The following SYN3 variants were observed in gnomAD, a reference collection of about 807,000 sequenced individuals.
SYN3 encodes the protein synapsin-3.
In SYN3, 35 loss-of-function variants were observed where a neutral mutation model predicts 65.8. The ratio of observed to expected loss-of-function variants is 0.53; its 90% CI spans 0.41 to 0.70. The LOEUF (loss-of-function observed/expected upper bound fraction) is 0.70, where lower values mean the gene tolerates loss of function less well. Ranked by LOEUF, SYN3 falls within the 30% of genes least tolerant of loss-of-function variation. SYN3 has a pLI of 0.00. For synonymous variants in SYN3, 270 were observed against 292.9 expected, an observed-to-expected ratio of 0.92 and a Z score of 0.80; for missense variants, 680 against 749.0, an observed-to-expected ratio of 0.91 and a Z score of 1.08.
chr22:32,654,724 T>C lies in SYN3; in HGVS notation c.712-57988A>G, dbSNP rs140760091. On this transcript the variant is annotated intron_variant, in intron 6 of 13. Coordinates refer to ENST00000358763, the MANE Select transcript of SYN3 (RefSeq NM_003490.4). ...GAATGTAATGTCTGATGATCTGTCA[T>C]TGTCTCCCATGCATGCTTCCCAGCA... 5.7e-3 allele frequency among the ~76,000 whole-genome samples: 865 copies of C among 152,360 alleles called. 9 individuals carry two copies. Among genetic ancestry groups the C allele is most frequent in the African/African-American group, 0.02 (827 of 41,586 alleles).
chr22:32,645,627 G>A (rs2059972919), intron 6 of SYN3, among the ~76,000 whole-genome samples: 1 of 152,192 alleles, frequency 6.6e-6, no homozygotes, highest in Non-Finnish European at 1.5e-5. Context: ...CACCTGGTAT[G>A]TCCTTTCTCT....
At chr22:32,846,575 A>T (rs1015160957) in intron 6 of SYN3, among the ~76,000 whole-genome samples, 2 of 152,214 alleles carry the variant, frequency 1.3e-5, no homozygotes, top group Non-Finnish European at 2.9e-5. Flanking sequence ...TTGTTTCATC[A>T]TTCCCATCTT....
At chr22:32,810,892 G>A (rs930926120) in intron 6 of SYN3, among the ~76,000 whole-genome samples, 1 of 152,102 alleles carries the variant, frequency 6.6e-6, no homozygotes, top group Non-Finnish European at 1.5e-5. Flanking sequence ...CTGCCTTTTC[G>A]ATTTGGAAAC....
chr22:32,671,792 CACACAGGTACACACACACGCTGTG>C (rs2060374134), intron 6 of SYN3, among the ~76,000 whole-genome samples: 1 of 151,282 alleles, frequency 6.6e-6, no homozygotes, highest in Non-Finnish European at 1.5e-5. Flanking sequence ...CACATGCTCT[CACACAGGTACACACACACGCTGTG>C]ACACAGGTGC....
At chr22:32,522,279 C>A (rs1346290580) in intron 12 of SYN3, among the ~76,000 whole-genome samples, 1 of 152,074 alleles carries the variant, frequency 6.6e-6, no homozygotes, top group Non-Finnish European at 1.5e-5. Flanking sequence ...TCTTTAATTA[C>A]CTTAATTGGT....
chr22:32,861,755 G>C (rs578055165), intron 6 of SYN3: 1 of 152,632 alleles, frequency 6.6e-6, no homozygotes, highest in South Asian at 2.1e-4. Flanking sequence ...GCGGTTTTGA[G>C]CTTTCTATAA....
chr22:32,985,497 C>A (rs2052498964), intron 2 of SYN3, among the ~76,000 whole-genome samples: 2 of 152,156 alleles, frequency 1.3e-5, no homozygotes, highest in Admixed American at 1.3e-4. Context: ...TCCTATTTGA[C>A]CCTCATGCCA....
chr22:33,006,501 AGAG>A lies in SYN3; in HGVS notation c.159_161del (p.Ser54del), dbSNP rs771131509. 4 of 1,614,200 alleles carry A rather than the reference AGAG, an allele frequency of 2.5e-6. No individual in the cohort carries two copies. The highest frequency in any genetic ancestry group is 2.7e-5 in the African/African-American group (2 of 75,062). On this transcript the variant is annotated inframe_deletion, in exon 2 of 14. Transcript: ENST00000358763. ...GGGAGCTAAAAAGGCTGGATCCTGG[AGAG>A]GAGAAGGAGGCAGCCAGGGGCTGGG...
In SYN3 at chr22:32,510,076, G is replaced by A. The variant is rs1222340703; in HGVS notation, c.*3616C>T. On this transcript the variant is annotated 3_prime_UTR_variant, in exon 14 of 14. Coordinates refer to ENST00000358763, the MANE Select transcript of SYN3 (RefSeq NM_003490.4). The stretch of plus-strand genomic sequence containing the variant: ...TCTGAGGCCAAAGGACAGAATATAG[G>A]AATATGGGAGAATTTAGGCCATGTG... Among the ~76,000 whole-genome samples, 1 of 152,178 alleles carries A rather than the reference G, an allele frequency of 6.6e-6. No homozygotes were observed. The highest frequency in any genetic ancestry group is 1.5e-5 in the Non-Finnish European group (1 of 68,044).
chr22:32,773,433 A>G (rs998204619), intron 6 of SYN3, among the ~76,000 whole-genome samples: 2 of 144,876 alleles, frequency 1.4e-5, no homozygotes, highest in African/African-American at 5.3e-5. Flanking sequence ...AAAAAAAAAA[A>G]AGAACGCAAC....
intron 6 of SYN3, among the ~76,000 whole-genome samples, chr22:32,606,220 G>A (rs933178415): frequency 4.6e-5 from 7 of 152,182 alleles, no homozygotes; most frequent in Non-Finnish European, 8.8e-5. Context: ...GAAGGGAAGG[G>A]GAAGGAAGCC....
intron 6 of SYN3, among the ~76,000 whole-genome samples, chr22:32,680,101 G>T (rs983702278): frequency 6.6e-6 from 1 of 151,804 alleles, no homozygotes; most frequent in East Asian, 1.9e-4. Flanking sequence ...TTCTGTAATC[G>T]AATGAATAAA....
intron 1 of SYN3, among the ~76,000 whole-genome samples, chr22:33,039,597 T>C (rs1251207175): frequency 6.6e-6 from 1 of 152,170 alleles, no homozygotes; most frequent in Non-Finnish European, 1.5e-5. Flanking sequence ...AGTTTCATCA[T>C]GTTGGCCAGG....
chr22:33,020,941 C>T (rs2053550022), intron 1 of SYN3, among the ~76,000 whole-genome samples: 1 of 152,288 alleles, frequency 6.6e-6, no homozygotes, highest in Non-Finnish European at 1.5e-5. Flanking sequence ...ATAGTACCTA[C>T]CTCATAGAGT....
At chr22:32,835,147 T>C (rs1185129821) in intron 6 of SYN3, among the ~76,000 whole-genome samples, 2 of 152,228 alleles carry the variant, frequency 1.3e-5, no homozygotes, top group African/African-American at 4.8e-5. Context: ...TTGCAGCTAA[T>C]TGCACATACT....
intron 6 of SYN3, among the ~76,000 whole-genome samples, chr22:32,858,325 G>A (rs1196115689): frequency 6.6e-6 from 1 of 152,204 alleles, no homozygotes; most frequent in East Asian, 1.9e-4. Context: ...AGTGAGGAAG[G>A]CAGGGAAGGA....
intron 4 of SYN3, among the ~76,000 whole-genome samples, chr22:32,892,418 G>T (rs2049475682): frequency 6.6e-6 from 1 of 152,320 alleles, no homozygotes; most frequent in South Asian, 2.1e-4. Flanking sequence ...AGGTTAATGG[G>T]ATAGACGTGA....
intron 1 of SYN3, among the ~76,000 whole-genome samples, chr22:33,040,991 T>C (rs951099768): frequency 1.3e-5 from 2 of 151,956 alleles, no homozygotes; most frequent in Non-Finnish European, 1.5e-5. Flanking sequence ...CTCGGCTCAC[T>C]GCAACCTCCA....
chr22:33,005,360 T>C (rs1425188621), intron 2 of SYN3, among the ~76,000 whole-genome samples: 1 of 152,226 alleles, frequency 6.6e-6, no homozygotes, highest in Non-Finnish European at 1.5e-5. Context: ...TCTCCATAGT[T>C]GGGCTCACTT....
Sources: gnomAD v4.1 joint callset for allele counts (sites outside exome capture counted in the v4.1 genomes callset) on GRCh38, gnomAD v4.1.1 for gene constraint, MANE v1.5 for transcripts, NCBI Gene and HGNC (gene_info 2026-07-23, HGNC 2026-07-21) for gene names.